Variants in ATXN7L1 observed in about 807,000 individuals in gnomAD.
The protein encoded by ATXN7L1 is ataxin-7-like protein 1.
Under a neutral mutation model 70.8 loss-of-function variants are expected in ATXN7L1, and 15 were observed. The observed-to-expected ratio is 0.21, with a 90% CI of 0.14 to 0.33. The LOEUF (loss-of-function observed/expected upper bound fraction) is 0.33, where lower values mean the gene tolerates loss of function less well. Ranked by LOEUF, ATXN7L1 falls within the 10% of genes least tolerant of loss-of-function variation. The pLI is 1.00. For missense variants in ATXN7L1, 975 were observed against 1,097.1 expected, an observed-to-expected ratio of 0.89 and a Z score of 1.57; for synonymous variants, 440 against 445.1, an observed-to-expected ratio of 0.99 and a Z score of 0.14.
At chr7:105,715,999 G>T (rs1794494651) in intron 3 of ATXN7L1, among the ~76,000 whole-genome samples, 1 of 152,110 alleles carries the variant, frequency 6.6e-6, no homozygotes, top group Non-Finnish European at 1.5e-5. Context: ...AAAAAAGCTG[G>T]GGTGGAGGCG....
chr7:105,766,430 A>G (rs1190381205), intron 3 of ATXN7L1, among the ~76,000 whole-genome samples: 1 of 152,148 alleles, frequency 6.6e-6, no homozygotes, highest in Non-Finnish European at 1.5e-5. Flanking sequence ...TTGTGCCGAG[A>G]CATTGATTTG....
chr7:105,693,187 A>C lies in ATXN7L1; in HGVS notation c.356-27899T>G, dbSNP rs370276189. 1.2e-4 allele frequency among the ~76,000 whole-genome samples: 18 copies of C among 151,638 alleles called. No homozygotes were observed. The East Asian group carries it at 3.1e-3, about 26-fold the overall frequency. ...CTGGGTGTGGACGTAAGAGTGAGAA[A>C]TTTTTTTTGTTTTTGTTTTAAATAG... On this transcript the variant is annotated intron_variant, in intron 3 of 11. Coordinates refer to ENST00000419735, the MANE Select transcript of ATXN7L1 (RefSeq NM_020725.2).
chr7:105,676,653 C>T (rs371906345), intron 3 of ATXN7L1, among the ~76,000 whole-genome samples: 16 of 152,016 alleles, frequency 1.1e-4, no homozygotes, highest in African/African-American at 3.6e-4. Flanking sequence ...CAGCCTGGCC[C>T]ACATGGGAAA....
intron 3 of ATXN7L1, among the ~76,000 whole-genome samples, chr7:105,696,014 G>A (rs1488536243): frequency 6.6e-6 from 1 of 152,194 alleles, no homozygotes; most frequent in South Asian, 2.1e-4. Flanking sequence ...ATGCAGAGGG[G>A]AGCCTGTCAG....
intron 9 of ATXN7L1, among the ~76,000 whole-genome samples, chr7:105,615,883 C>T (rs529971037): frequency 2.0e-5 from 3 of 152,180 alleles, no homozygotes; most frequent in Non-Finnish European, 4.4e-5. Flanking sequence ...GGCCTCCCTG[C>T]AAACTCCATC....
intron 8 of ATXN7L1, among the ~76,000 whole-genome samples, chr7:105,621,856 T>C (rs1301414499): frequency 6.6e-6 from 1 of 152,090 alleles, no homozygotes; most frequent in African/African-American, 2.4e-5. Context: ...CAGGAGGAAA[T>C]GCAAGACCTT....
At chr7:105,798,259 C>T (rs556638444) in intron 2 of ATXN7L1, among the ~76,000 whole-genome samples, 6 of 152,340 alleles carry the variant, frequency 3.9e-5, no homozygotes, top group Non-Finnish European at 7.3e-5. Context: ...AGCTACTCTG[C>T]ACTCAACAAG....
intron 3 of ATXN7L1, among the ~76,000 whole-genome samples, chr7:105,752,474 T>C (rs971140103): frequency 6.6e-6 from 1 of 152,198 alleles, no homozygotes; most frequent in Non-Finnish European, 1.5e-5. Flanking sequence ...CTAGGAAATG[T>C]AGTTCACCCT....
chr7:105,734,539 T>C (rs1432284568), intron 3 of ATXN7L1, among the ~76,000 whole-genome samples: 1 of 152,174 alleles, frequency 6.6e-6, no homozygotes, highest in Non-Finnish European at 1.5e-5. Context: ...AACATCTGAC[T>C]CAAGCGTGCA....
intron 3 of ATXN7L1, among the ~76,000 whole-genome samples, chr7:105,694,092 G>C (rs1280815037): frequency 6.6e-6 from 1 of 150,840 alleles, no homozygotes; most frequent in African/African-American, 2.4e-5. Context: ...CTGTTGCCTA[G>C]GCTGGAGTGC....
chr7:105,868,783 G>A lies in ATXN7L1; in HGVS notation c.250+7029C>T, dbSNP rs59544760. The stretch of plus-strand genomic sequence containing the variant: ...TTTTAAAATGAATGTGTATGTGTGT[G>A]TAATGGTCTACATCTTCTAGCAGTA... On this transcript the variant is annotated intron_variant, in intron 2 of 11. Coordinates refer to ENST00000419735, the MANE Select transcript of ATXN7L1 (RefSeq NM_020725.2). Among the ~76,000 whole-genome samples, 75 of 152,244 alleles carry A rather than the reference G, an allele frequency of 4.9e-4. No individual in the cohort carries two copies. In the East Asian group the frequency reaches 0.014, roughly 28 times the overall value.
At chr7:105,761,171 G>A in intron 3 of ATXN7L1, 2 of 1,287,836 alleles carry the variant, frequency 1.6e-6, no homozygotes, top group South Asian at 2.3e-5. Flanking sequence ...ATGAAGAGAA[G>A]AACCCCACAG....
Position 105,614,800 on chromosome 7 carries a change from C to T in ATXN7L1, c.1534G>A (p.Ala512Thr). ...GCTGGCGAGGGCAGGGGGCTATCTG[C>T]CGCAGGAGGGATCTTCCTAAACATG... ...SQMWKKIPPA[A>T]DSPLPSPAAH... Residue 512 changes from alanine (A) to threonine (T), a missense_variant, in exon 10 of 12, where the codon GCA becomes ACA. Coordinates refer to ENST00000419735, the MANE Select transcript of ATXN7L1 (RefSeq NM_020725.2). The surrounding 1 kb of genome is among the most constrained non-coding windows in gnomAD (Gnocchi z 4.3). 1.9e-5 allele frequency: 30 copies of T among 1,549,780 alleles called. No homozygotes were observed. The highest frequency in any genetic ancestry group is 2.6e-5 in the Non-Finnish European group (30 of 1,145,904).
intron 3 of ATXN7L1, among the ~76,000 whole-genome samples, chr7:105,724,831 GT>G (rs1795621186): frequency 7.2e-6 from 1 of 139,470 alleles, no homozygotes; most frequent in Non-Finnish European, 1.6e-5. Flanking sequence ...TTTTCCCTCT[GT>G]TTTTGTTTTT....
intron 3 of ATXN7L1, among the ~76,000 whole-genome samples, chr7:105,666,138 A>G (rs1193716940): frequency 6.6e-6 from 1 of 152,206 alleles, no homozygotes. Flanking sequence ...GTTTTAGAAT[A>G]ACAGATCTGA....
rs138361512 is a variant in ATXN7L1 at position 105,767,320 on chromosome 7, C to T, written c.355+21284G>A. Among the ~76,000 whole-genome samples the T allele has an allele frequency of 1.4e-4, 21 of 152,208 alleles. No homozygotes were observed. The South Asian group carries it at 3.9e-3, about 29-fold the overall frequency. ...CAAGAGGGTCCACCTGAGCAAAACC[C>T]GGCCCTCCATAAGCCCCTATACTCG... On this transcript the variant is annotated intron_variant, in intron 3 of 11. Transcript: ENST00000419735.
At chr7:105,713,193 C>T (rs1251015109) in intron 3 of ATXN7L1, among the ~76,000 whole-genome samples, 1 of 152,134 alleles carries the variant, frequency 6.6e-6, no homozygotes, top group Non-Finnish European at 1.5e-5. Context: ...GAAATTCACC[C>T]CCATGATCCA....
At chr7:105,727,669 CAA>C (rs761366095) in intron 3 of ATXN7L1, among the ~76,000 whole-genome samples, 1 of 75,946 alleles carries the variant, frequency 1.3e-5, no homozygotes, top group Non-Finnish European at 2.5e-5. Flanking sequence ...AACTTCATCT[CAA>C]AAAAAAAAAA....
At chr7:105,762,725 A>G (rs1272523925) in intron 3 of ATXN7L1, among the ~76,000 whole-genome samples, 1 of 152,180 alleles carries the variant, frequency 6.6e-6, no homozygotes. Context: ...GTGGAGCCCA[A>G]TTCCCTTCCT....
Sources: allele counts gnomAD v4.1 joint callset (sites outside exome capture counted in the v4.1 genomes callset), GRCh38; gene constraint gnomAD v4.1.1; non-coding constraint Gnocchi (gnomAD v3.1); transcripts MANE v1.5; gene names NCBI Gene and HGNC (gene_info 2026-07-23, HGNC 2026-07-21).